Variants in ASPSCR1 observed in about 807,000 individuals in gnomAD.
The protein encoded by ASPSCR1 is tether containing UBX domain for GLUT4.
ASPSCR1 carries 55 observed loss-of-function variants against 68.9 expected under a neutral mutation model. The ratio of observed to expected loss-of-function variants is 0.80; its 90% CI spans 0.64 to 1.00. The LOEUF (loss-of-function observed/expected upper bound fraction) is 1.00. Ranked by LOEUF, ASPSCR1 falls within the 50% of genes least tolerant of loss-of-function variation. The pLI, the probability that ASPSCR1 is intolerant of heterozygous loss-of-function variation, is 0.00. For missense variants in ASPSCR1, 765 were observed against 762.2 expected (o/e 1.00, Z -0.04); for synonymous variants, 352 against 332.6 (o/e 1.06, Z -0.63).
chr17:81,981,515 AT>A (rs1392734930), intron 2 of ASPSCR1, among the ~76,000 whole-genome samples: 2 of 152,086 alleles, frequency 1.3e-5, no homozygotes, highest in African/African-American at 4.8e-5. Flanking sequence ...AGTAGCTGGG[AT>A]TACAGGCGTG....
intron 7 of ASPSCR1, among the ~76,000 whole-genome samples, chr17:82,000,157 C>G (rs1159347702): frequency 1.3e-5 from 2 of 152,266 alleles, no homozygotes; most frequent in Admixed American, 6.5e-5. Flanking sequence ...GTGTGAGAGA[C>G]ACAGTGGCTG....
intron 7 of ASPSCR1, among the ~76,000 whole-genome samples, chr17:82,001,903 C>A (rs72861716): frequency 0.1 from 15,510 of 152,186 alleles, 1,081 homozygotes; most frequent in Non-Finnish European, 0.15. Flanking sequence ...ACGCCTGCCA[C>A]ACCGTAACGT....
chr17:81,985,381 G>A (rs1333201168), intron 3 of ASPSCR1, 126 bp from the exon 4 acceptor site: 4 of 941,442 alleles, frequency 4.2e-6, no homozygotes, highest in Non-Finnish European at 6.4e-6. Context: ...CTCCGTGGGG[G>A]TCAGCCTCTC....
chr17:82,010,144 A>G, intron 9 of ASPSCR1: 1 of 270,456 alleles, frequency 3.7e-6, no homozygotes, highest in Non-Finnish European at 7.3e-6. Context: ...CTGGTCTCGA[A>G]CTCCTGACCT....
intron 7 of ASPSCR1, 147 bp downstream of exon 7, chr17:81,996,993 T>C (rs2042367863): frequency 2.1e-6 from 3 of 1,462,876 alleles, no homozygotes; most frequent in Non-Finnish European, 1.8e-6. Flanking sequence ...CGCGGGGCTC[T>C]GGACAGGAGC....
chr17:81,994,976 C>T (rs570041761), intron 5 of ASPSCR1, 98 bp downstream of exon 5: 24 of 1,278,446 alleles, frequency 1.9e-5, no homozygotes, highest in South Asian at 1.1e-4. Context: ...AGGGCAGTGG[C>T]GGGAGACTCG....
At position 82,002,004 on chromosome 17, in the gene ASPSCR1, T is replaced by C. The variant is rs1340837119; in HGVS notation, c.933+5158T>C. ...TCTTTTCTTTTTTTTTTCTTTTTCC[T>C]TTTTTTTTTTTTTTTTTTTTTGAGA... On this transcript the variant is annotated intron_variant, in intron 7 of 15. Coordinates refer to ENST00000306739, the MANE Select transcript of ASPSCR1 (RefSeq NM_024083.4). Among the ~76,000 whole-genome samples the C allele has an allele frequency of 3.2e-4, 7 of 22,060 alleles. No individual in the cohort carries two copies. In the South Asian group the frequency reaches 4.7e-3, roughly 15 times the overall value. 14.5% of individuals were successfully genotyped at this position (22,060 alleles called of 152,430 possible).
intron 10 of ASPSCR1, 24 bp downstream of exon 10, chr17:82,010,892 G>A (rs751920088): frequency 1.8e-5 from 29 of 1,607,600 alleles, no homozygotes; most frequent in Middle Eastern, 1.8e-4. Flanking sequence ...TGGGGTGTCC[G>A]GGGATGGGGG....
At chr17:82,015,067 C>T (rs2043075395) in intron 12 of ASPSCR1, 1 of 1,595,022 alleles carries the variant, frequency 6.3e-7, no homozygotes, top group Admixed American at 1.7e-5. Flanking sequence ...CCCACTTTCC[C>T]TTTCCAGCCC....
chr17:82,014,551 G>A, intron 12 of ASPSCR1: 1 of 162,230 alleles, frequency 6.2e-6, no homozygotes. Flanking sequence ...GAGGCACTGT[G>A]GTGCCGCCTT....
chr17:82,008,898 C>G, intron 7 of ASPSCR1, 139 bp from the exon 8 acceptor site: 1 of 1,240,550 alleles, frequency 8.1e-7, no homozygotes, highest in African/African-American at 1.6e-5. Context: ...CTGGCCTTGG[C>G]CCTGCGCTGG....
At chr17:81,985,291 C>T (rs2041959897) in intron 3 of ASPSCR1, among the ~76,000 whole-genome samples, 1 of 152,152 alleles carries the variant, frequency 6.6e-6, no homozygotes, top group Admixed American at 6.5e-5. Context: ...TGCACACTCA[C>T]ATGCACACAC....
intron 12 of ASPSCR1, 61 bp from the exon 13 acceptor site, chr17:82,016,415 C>T: frequency 6.8e-7 from 1 of 1,474,434 alleles, no homozygotes; most frequent in Middle Eastern, 2.4e-4. Flanking sequence ...GTGTAGCTGC[C>T]TTCACAGCAG....
chr17:82,015,373 A>G, intron 12 of ASPSCR1: 1 of 1,594,078 alleles, frequency 6.3e-7, no homozygotes, highest in Non-Finnish European at 8.5e-7. Flanking sequence ...TGCCTGGCTC[A>G]GTGCTCCCTG....
rs111978156 is a variant in ASPSCR1, at chr17:81,990,351, C to G, written c.375-4470C>G. Among the ~76,000 whole-genome samples, 2,555 of 152,288 alleles carry G rather than the reference C, an allele frequency of 0.017. 49 individuals carry two copies. The highest frequency in any genetic ancestry group is 0.065 in the Middle Eastern group (19 of 294). On this transcript the variant is annotated intron_variant, in intron 4 of 15. Coordinates refer to ENST00000306739, the MANE Select transcript of ASPSCR1 (RefSeq NM_024083.4). This position sits in a 1 kb window ranked among gnomAD's most constrained non-coding sequence, Gnocchi z 4.1. ...CTGCTGCAGGGAGGGCGTCAGGAGA[C>G]AGAGGCTGCACACTGCTGGCTTCGA...
In ASPSCR1 at chr17:81,983,257, G is replaced by T. The variant is rs571822892; in HGVS notation, c.159-297G>T. ...GTCGTTCTCTCTGTGTTTTCCGAGCGTCTGCACTGGGGCTGTCAGCACCCC... is the reference window on the plus strand; with the variant it reads ...GTCGTTCTCTCTGTGTTTTCCGAGCTTCTGCACTGGGGCTGTCAGCACCCC... On this transcript the variant is annotated intron_variant, in intron 2 of 15. Coordinates refer to ENST00000306739, the MANE Select transcript of ASPSCR1 (RefSeq NM_024083.4). This position sits in a 1 kb window ranked among gnomAD's most constrained non-coding sequence, Gnocchi z 4.4. Among the ~76,000 whole-genome samples the T allele has an allele frequency of 2.6e-5, 4 of 152,166 alleles. No individual in the cohort carries two copies. The highest frequency in any genetic ancestry group is 2.6e-4 in the Admixed American group (4 of 15,276).
At position 81,986,410 on chromosome 17, in the gene ASPSCR1, C is replaced by T. The variant is rs2041995154; in HGVS notation, c.374+803C>T. 6.6e-6 allele frequency among the ~76,000 whole-genome samples: 1 copy of T among 152,138 alleles called. No individual in the cohort carries two copies. The highest frequency in any genetic ancestry group is 1.5e-5 in the Non-Finnish European group (1 of 68,038). The stretch of plus-strand genomic sequence containing the variant: ...CACTGCTGCACTCCAGCCTGGGCAA[C>T]AGAACGAGACTCTGTCTCAAAAAAA... On this transcript the variant is annotated intron_variant, in intron 4 of 15. Coordinates refer to ENST00000306739, the MANE Select transcript of ASPSCR1 (RefSeq NM_024083.4). The surrounding 1 kb of genome is among the most constrained non-coding windows in gnomAD (Gnocchi z 5.2).
intron 12 of ASPSCR1, 145 bp downstream of exon 12, chr17:82,012,428 G>C: frequency 3.2e-6 from 3 of 943,446 alleles, no homozygotes; most frequent in Non-Finnish European, 4.7e-6. Flanking sequence ...GGGTTCCGAG[G>C]GGGCCGTGCG....
At position 81,977,780 on chromosome 17, in the gene ASPSCR1, G is replaced by A. The variant is rs1478679485; in HGVS notation, c.102+32G>A. 8.3e-7 allele frequency: 1 copy of A among 1,209,796 alleles called. No homozygotes were observed. The highest frequency in any genetic ancestry group is 1.0e-6 in the Non-Finnish European group (1 of 972,454). 74.9% of individuals were successfully genotyped at this position (1,209,796 alleles called of 1,614,324 possible). On this transcript the variant is annotated intron_variant, in intron 1 of 15. Coordinates refer to ENST00000306739, the MANE Select transcript of ASPSCR1 (RefSeq NM_024083.4). This position sits in a 1 kb window ranked among gnomAD's most constrained non-coding sequence, Gnocchi z 5.0. ...CCGCCCGCCCGGGGCGGACGGGTAG[G>A]CGGGCGGGGGGCGCTGCGCCGAGGC...
Sources: allele counts gnomAD v4.1 joint callset (sites outside exome capture counted in the v4.1 genomes callset), GRCh38; gene constraint gnomAD v4.1.1; non-coding constraint Gnocchi (gnomAD v3.1); transcripts MANE v1.5; gene names NCBI Gene and HGNC (gene_info 2026-07-23, HGNC 2026-07-21).